The following KCNH1 variants were observed in gnomAD, a reference collection of about 807,000 sequenced individuals.
KCNH1 encodes the protein potassium voltage-gated channel subfamily H member 1.
Under a neutral mutation model 69.2 loss-of-function variants are expected in KCNH1, and 27 were observed. That is an observed-to-expected ratio of 0.39 (90% CI 0.29 to 0.54). KCNH1 has a LOEUF of 0.54. Among genes scored for constraint, KCNH1 ranks in the 20% least tolerant of loss-of-function variants. The probability of loss-of-function intolerance (pLI) is 0.68; values close to 1 mark genes in which losing one functional copy is unlikely to be tolerated. For synonymous variants in KCNH1, 456 were observed against 487.7 expected, an observed-to-expected ratio of 0.93 and a Z score of 0.86; for missense variants, 798 against 1,261.6, an observed-to-expected ratio of 0.63 and a Z score of 5.57.
rs914153714 is a variant in KCNH1 at position 211,120,917 on chromosome 1, G to A, written c.79+12950C>T. Among the ~76,000 whole-genome samples, 4 of 152,144 alleles carry A rather than the reference G, an allele frequency of 2.6e-5. No individual in the cohort carries two copies. The South Asian group carries it at 6.2e-4, about 24-fold the overall frequency. On this transcript the variant is annotated intron_variant, in intron 1 of 10. Coordinates refer to ENST00000271751, the MANE Select transcript of KCNH1 (RefSeq NM_172362.3). Reference sequence around the variant, plus strand: ...GCAAGCAGAAAGCCAAATCATGAACGAACTCCCATTCACAATCACTGCAAA... The same window carrying A: ...GCAAGCAGAAAGCCAAATCATGAACAAACTCCCATTCACAATCACTGCAAA...
chr1:211,000,167 A>G (rs1689145408), intron 6 of KCNH1, among the ~76,000 whole-genome samples: 1 of 152,194 alleles, frequency 6.6e-6, no homozygotes, highest in South Asian at 2.1e-4. Flanking sequence ...GGCCAGGGCA[A>G]TCAGGCAGGG....
Position 210,904,833 on chromosome 1 carries a change from T to C in KCNH1, c.1462+14807A>G, listed in dbSNP as rs932100434. 5.4e-4 allele frequency among the ~76,000 whole-genome samples: 82 copies of C among 152,138 alleles called. 1 individual carries two copies. The highest frequency in any genetic ancestry group is 2.0e-3 in the African/African-American group (81 of 41,412). On this transcript the variant is annotated intron_variant, in intron 7 of 10. Transcript: ENST00000271751. ...CCTGTCAATCACTCTGCCAATGAAA[T>C]AGAGCCATTACCTCCTCCATTTTAC...
intron 6 of KCNH1, among the ~76,000 whole-genome samples, chr1:210,997,752 C>A (rs1404311393): frequency 6.6e-6 from 1 of 152,168 alleles, no homozygotes; most frequent in Non-Finnish European, 1.5e-5. Flanking sequence ...ATGTTAAGGG[C>A]AGCCAGAGAG....
At chr1:211,131,797 T>A (rs1691880461) in intron 1 of KCNH1, among the ~76,000 whole-genome samples, 1 of 152,138 alleles carries the variant, frequency 6.6e-6, no homozygotes, top group Non-Finnish European at 1.5e-5. Context: ...ATAATAATTT[T>A]AAAAATTCAT....
chr1:211,059,548 C>T (rs997929384), intron 5 of KCNH1, among the ~76,000 whole-genome samples: 1 of 152,012 alleles, frequency 6.6e-6, no homozygotes, highest in African/African-American at 2.4e-5. Context: ...CGAGACCATC[C>T]TGGTTAACAC....
Position 210,797,619 on chromosome 1 carries a change from A to G in KCNH1, c.1804T>C (p.Cys602Arg). ...TGGTAGATGAGGTCCCCTGGGGCAC[A>G]GTGCACCGTCTGGAACTCCATGGCC... is the stretch of plus-strand genomic sequence containing the variant. The part of the protein sequence containing the change: ...ALAMEFQTVH[C>R]APGDLIYHAG... Residue 602 changes from cysteine to arginine, a missense_variant, in exon 9 of 11, where the codon TGT becomes CGT. By Grantham distance (180) the Cys-to-Arg change is radical. This residue lies in a region of KCNH1 where 197 missense variants were observed against 407.7 expected (regional missense o/e 0.48). Coordinates refer to ENST00000271751, the MANE Select transcript of KCNH1 (RefSeq NM_172362.3). 6.2e-7 allele frequency: 1 copy of G among 1,614,240 alleles called. No individual in the cohort carries two copies. The highest frequency in any genetic ancestry group is 8.5e-7 in the Non-Finnish European group (1 of 1,180,038).
chr1:211,071,739 G>T (rs1690647540), intron 5 of KCNH1, among the ~76,000 whole-genome samples: 1 of 152,012 alleles, frequency 6.6e-6, no homozygotes, highest in East Asian at 1.9e-4. Context: ...TATGCAGTTG[G>T]TCTGCATGTT....
intron 6 of KCNH1, among the ~76,000 whole-genome samples, chr1:210,965,069 T>C (rs556113621): frequency 1.1e-4 from 16 of 152,298 alleles, no homozygotes; most frequent in Admixed American, 1.0e-3. Context: ...TAAAAAACTG[T>C]CAGTCAACTA....
At chr1:210,974,278 T>G (rs1383744675) in intron 6 of KCNH1, among the ~76,000 whole-genome samples, 1 of 152,186 alleles carries the variant, frequency 6.6e-6, no homozygotes, top group Non-Finnish European at 1.5e-5. Context: ...TCTATTAATA[T>G]GAACTTGTGG....
rs780941913 is a variant in KCNH1, at chr1:211,067,745, G to A, written c.558+15035C>T. 2.0e-5 allele frequency among the ~76,000 whole-genome samples: 3 copies of A among 152,332 alleles called. No individual in the cohort carries two copies. In the East Asian group the frequency reaches 5.8e-4, roughly 29 times the overall value. On this transcript the variant is annotated intron_variant, in intron 5 of 10. Transcript: ENST00000271751. ...GGTCGCCCTCATATAAGCAGTAGCAGGGGGCTAGGAAGAAGAAACAACGTC... is the reference window on the plus strand; with the variant it reads ...GGTCGCCCTCATATAAGCAGTAGCAAGGGGCTAGGAAGAAGAAACAACGTC...
chr1:210,802,552 T>C (rs1256073161), intron 8 of KCNH1, among the ~76,000 whole-genome samples: 1 of 152,196 alleles, frequency 6.6e-6, no homozygotes, highest in African/African-American at 2.4e-5. Context: ...ATCTTTTTTA[T>C]AGAAAATATG....
chr1:210,875,295 C>G (rs767364098), intron 7 of KCNH1, among the ~76,000 whole-genome samples: 3 of 152,218 alleles, frequency 2.0e-5, no homozygotes, highest in East Asian at 1.9e-4. Flanking sequence ...AGCAAGAAAG[C>G]CTATATGACC....
At chr1:211,118,930 G>A (rs1158805509) in intron 1 of KCNH1, among the ~76,000 whole-genome samples, 1 of 152,192 alleles carries the variant, frequency 6.6e-6, no homozygotes, top group East Asian at 1.9e-4. Flanking sequence ...GCCAACACTG[G>A]TTATTTGGAG....
chr1:211,020,633 T>C (rs1331976275), intron 5 of KCNH1, among the ~76,000 whole-genome samples: 2 of 152,026 alleles, frequency 1.3e-5, no homozygotes, highest in Non-Finnish European at 2.9e-5. Flanking sequence ...TCTTCCAAAC[T>C]CAATCTATGA....
chr1:210,978,926 T>C (rs914289093), intron 6 of KCNH1, among the ~76,000 whole-genome samples: 1 of 152,212 alleles, frequency 6.6e-6, no homozygotes, highest in African/African-American at 2.4e-5. Flanking sequence ...CTCCTCTGCA[T>C]ATTCAAACAG....
chr1:210,829,851 G>C (rs1391332026), intron 7 of KCNH1, among the ~76,000 whole-genome samples: 1 of 151,988 alleles, frequency 6.6e-6, no homozygotes, highest in Admixed American at 6.6e-5. Context: ...ACCTTCTAAC[G>C]AATCATAAAA....
intron 6 of KCNH1, among the ~76,000 whole-genome samples, chr1:210,952,097 T>G (rs1024443745): frequency 6.6e-6 from 1 of 152,182 alleles, no homozygotes; most frequent in Non-Finnish European, 1.5e-5. Flanking sequence ...ACCTGAGCAC[T>G]TGGTCTTCCT....
chr1:210,936,917 A>G (rs892363364), intron 6 of KCNH1, among the ~76,000 whole-genome samples: 2 of 151,812 alleles, frequency 1.3e-5, no homozygotes, highest in African/African-American at 4.8e-5. Flanking sequence ...CATCCTACCT[A>G]ATTTTTGGCT....
At chr1:211,043,259 C>T (rs145385496) in intron 5 of KCNH1, among the ~76,000 whole-genome samples, 76 of 152,092 alleles carry the variant, frequency 5.0e-4, no homozygotes, top group African/African-American at 1.6e-3. Context: ...CACTAAGAAA[C>T]GAAACAGGAG....
Sources: gnomAD v4.1 joint callset for allele counts (sites outside exome capture counted in the v4.1 genomes callset) on GRCh38, gnomAD v4.1.1 for gene constraint, gnomAD v4.1.1 regional missense constraint, MANE v1.5 for transcripts, NCBI Gene and HGNC (gene_info 2026-07-23, HGNC 2026-07-21) for gene names.